Variants in STK3 observed in about 807,000 individuals in gnomAD.
STK3 encodes the protein serine/threonine kinase 3.
In STK3, 41 loss-of-function variants were observed where a neutral mutation model predicts 58.0. The ratio of observed to expected loss-of-function variants is 0.71; its 90% confidence interval spans 0.55 to 0.92. The LOEUF (loss-of-function observed/expected upper bound fraction) is 0.92. Among genes scored for constraint, STK3 ranks in the 40% least tolerant of loss-of-function variants. STK3 has a pLI of 0.00. For missense variants in STK3, 479 were observed against 602.7 expected, an observed-to-expected ratio of 0.79 and a Z score of 2.15; for synonymous variants, 170 against 191.0, an observed-to-expected ratio of 0.89 and a Z score of 0.91.
At chr8:98,557,297 A>G (rs2131616945) in intron 8 of STK3, among the ~76,000 whole-genome samples, 1 of 152,210 alleles carries the variant, frequency 6.6e-6, no homozygotes, top group African/African-American at 2.4e-5. Context: ...ATTTGCTTGT[A>G]TGTCTCGAAT....
the STK3 span, among the ~76,000 whole-genome samples, chr8:98,359,533 AAAAG>A: frequency 1.9e-4 from 27 of 142,338 alleles, no homozygotes; most frequent in Non-Finnish European, 3.2e-4. Context: ...AAAAAAAAAA[AAAAG>A]AAAGAAAGAA....
intron 7 of STK3, among the ~76,000 whole-genome samples, chr8:98,592,856 C>T (rs914541208): frequency 2.6e-5 from 4 of 151,922 alleles, no homozygotes; most frequent in Non-Finnish European, 4.4e-5. Flanking sequence ...CCCTGTCTCC[C>T]GGGTTCAAGT....
At chr8:98,688,174 G>A (rs1308719475) in intron 6 of STK3, among the ~76,000 whole-genome samples, 1 of 152,082 alleles carries the variant, frequency 6.6e-6, no homozygotes, top group Admixed American at 6.6e-5. Context: ...GGACAAAAAA[G>A]AGCATTATAT....
chr8:98,712,195 C>A (rs905140987), intron 4 of STK3, among the ~76,000 whole-genome samples: 1 of 152,172 alleles, frequency 6.6e-6, no homozygotes, highest in African/African-American at 2.4e-5. Flanking sequence ...AATTGTAAGA[C>A]CATGAATGCT....
At chr8:98,363,882 G>A in the STK3 span, among the ~76,000 whole-genome samples, 5 of 152,242 alleles carry the variant, frequency 3.3e-5, no homozygotes, top group Non-Finnish European at 5.9e-5. Flanking sequence ...ATAGTATGGA[G>A]CCTCTAAGTT....
At chr8:98,537,844 C>T (rs1809897989) in intron 9 of STK3, among the ~76,000 whole-genome samples, 2 of 152,034 alleles carry the variant, frequency 1.3e-5, no homozygotes, top group Admixed American at 6.6e-5. Context: ...AAAAAGGTTG[C>T]TTTTCATCTC....
chr8:98,380,816 T>C (rs1487303058), intron 1 of STK3, among the ~76,000 whole-genome samples: 1 of 152,200 alleles, frequency 6.6e-6, no homozygotes, highest in Non-Finnish European at 1.5e-5. Context: ...ATGTCTGTTG[T>C]TCATGTTCTC....
chr8:98,743,567 T>C (rs999916593), intron 4 of STK3, among the ~76,000 whole-genome samples: 57 of 152,194 alleles, frequency 3.7e-4, no homozygotes, highest in South Asian at 2.1e-3. Flanking sequence ...TTCCTTACAC[T>C]TTATACAAAA....
chr8:98,407,768 G>A (rs1337478706), intron 3 of STK3, among the ~76,000 whole-genome samples: 10 of 151,520 alleles, frequency 6.6e-5, no homozygotes, highest in East Asian at 2.0e-4. Context: ...GCGCGCGCGC[G>A]CGCATGCATG....
At chr8:98,846,265 T>C (rs1193316183) in intron 3 of STK3, among the ~76,000 whole-genome samples, 1 of 152,190 alleles carries the variant, frequency 6.6e-6, no homozygotes, top group Non-Finnish European at 1.5e-5. Flanking sequence ...GTGAACCAAT[T>C]GATAGTGTCT....
intron 6 of STK3, among the ~76,000 whole-genome samples, chr8:98,634,658 T>C (rs763289192): frequency 1.3e-5 from 2 of 152,100 alleles, no homozygotes; most frequent in African/African-American, 2.4e-5. Context: ...CTTGGAGATA[T>C]TGGATTTGAA....
At chr8:98,462,758 C>G (rs1488341231) in intron 10 of STK3, among the ~76,000 whole-genome samples, 2 of 152,130 alleles carry the variant, frequency 1.3e-5, no homozygotes, top group Non-Finnish European at 2.9e-5. Context: ...TTTCACCTTT[C>G]TCTCGTATCT....
At chr8:98,439,483 G>T (rs1586571247) in intron 1 of STK3, among the ~76,000 whole-genome samples, 1 of 152,166 alleles carries the variant, frequency 6.6e-6, no homozygotes, top group Non-Finnish European at 1.5e-5. Flanking sequence ...ATGACATCCA[G>T]AACTGAGGAA....
chr8:98,851,402 C>A (rs1836464147), intron 3 of STK3, among the ~76,000 whole-genome samples: 1 of 152,168 alleles, frequency 6.6e-6, no homozygotes, highest in Non-Finnish European at 1.5e-5. Flanking sequence ...ACAGAGGTTG[C>A]AGAGTCAGAG....
chr8:98,926,276 G>T (rs2132024667), intron 1 of STK3, among the ~76,000 whole-genome samples: 1 of 152,242 alleles, frequency 6.6e-6, no homozygotes, highest in East Asian at 1.9e-4. Flanking sequence ...CACATTTGCA[G>T]CTGCTTTTAT....
At chr8:98,633,011 A>C (rs1230947075) in intron 6 of STK3, among the ~76,000 whole-genome samples, 2 of 152,230 alleles carry the variant, frequency 1.3e-5, no homozygotes, top group African/African-American at 2.4e-5. Flanking sequence ...TTAGATACTG[A>C]AGACACAAAA....
intron 6 of STK3, among the ~76,000 whole-genome samples, chr8:98,622,140 T>C (rs1264064629): frequency 2.1e-5 from 3 of 145,906 alleles, no homozygotes; most frequent in South Asian, 2.2e-4. Flanking sequence ...CTGAGTGTGG[T>C]GGTGCATGCC....
intron 3 of STK3, chr8:98,413,418 T>A (rs1395603820): frequency 1.8e-6 from 1 of 564,514 alleles, no homozygotes; most frequent in African/African-American, 1.9e-5. Flanking sequence ...TTCCTGCTGA[T>A]CCCTCACTTT....
chr8:98,585,906 T>C (rs947164818), intron 7 of STK3, among the ~76,000 whole-genome samples: 6 of 151,780 alleles, frequency 4.0e-5, no homozygotes, highest in African/African-American at 1.5e-4. Context: ...TTGTCTGTTG[T>C]TGGTGTATAA....
Sources: gnomAD v4.1 joint callset for allele counts (sites outside exome capture counted in the v4.1 genomes callset) on GRCh38, gnomAD v4.1.1 for gene constraint, MANE v1.5 for transcripts, NCBI Gene and HGNC (gene_info 2026-07-23, HGNC 2026-07-21) for gene names.